Variants in DMXL1 observed in about 807,000 individuals in gnomAD.
DMXL1 encodes the protein Dmx like 1, also known as dmX-like protein 1.
A neutral mutation model predicts 319.2 loss-of-function variants in DMXL1; 99 were observed. The ratio of observed to expected loss-of-function variants is 0.31; its 90% CI spans 0.26 to 0.37. The LOEUF (loss-of-function observed/expected upper bound fraction) is 0.37. DMXL1 is among the 10% of genes least tolerant of loss of function. The pLI is 1.00. For missense variants in DMXL1, 3,745 were observed against 3,595.6 expected, an observed-to-expected ratio of 1.04 and a Z score of -1.06; for synonymous variants, 1,385 against 1,235.2, an observed-to-expected ratio of 1.12 and a Z score of -2.54.
At chr5:119,081,513 C>T in intron 1 of DMXL1, 1 of 934,616 alleles carries the variant, frequency 1.1e-6, no homozygotes, top group African/African-American at 1.8e-5. Flanking sequence ...CAAACATCTT[C>T]ACACTTAAGT....
chr5:119,101,180 C>T (rs1757195943), intron 2 of DMXL1, among the ~76,000 whole-genome samples: 1 of 152,152 alleles, frequency 6.6e-6, no homozygotes, highest in Non-Finnish European at 1.5e-5. Context: ...ACACTTCCTC[C>T]AGATCAATGC....
At chr5:119,233,560 G>GGTA in intron 39 of DMXL1, 93 bp downstream of exon 39, 1 of 997,758 alleles carries the variant, frequency 1.0e-6, no homozygotes, top group South Asian at 1.5e-5. Flanking sequence ...CAGCTCCGTG[G>GGTA]GTAGTAGTAA....
chr5:119,183,633 T>G (rs1303685935), intron 28 of DMXL1, among the ~76,000 whole-genome samples: 1 of 151,910 alleles, frequency 6.6e-6, no homozygotes, highest in Non-Finnish European at 1.5e-5. Flanking sequence ...CCACCACACC[T>G]GGCTAATTTT....
chr5:119,238,648 T>G (rs1451187835), intron 40 of DMXL1, among the ~76,000 whole-genome samples: 1 of 152,206 alleles, frequency 6.6e-6, no homozygotes, highest in African/African-American at 2.4e-5. Flanking sequence ...TTTGAACTTT[T>G]GGTTGAACAA....
chr5:119,173,558 G>A (rs957070387), intron 25 of DMXL1, among the ~76,000 whole-genome samples: 3 of 151,076 alleles, frequency 2.0e-5, no homozygotes, highest in African/African-American at 7.3e-5. Context: ...TCTGGTGGTT[G>A]GCGCATGTTG....
chr5:119,091,539 C>G (rs1754798854), intron 1 of DMXL1, among the ~76,000 whole-genome samples: 1 of 152,118 alleles, frequency 6.6e-6, no homozygotes, highest in Non-Finnish European at 1.5e-5. Flanking sequence ...ACACCTATGT[C>G]TTTGCATTTA....
intron 28 of DMXL1, among the ~76,000 whole-genome samples, chr5:119,179,686 C>T (rs1042322811): frequency 3.9e-5 from 6 of 152,156 alleles, no homozygotes; most frequent in Non-Finnish European, 8.8e-5. Flanking sequence ...GCAGTTTCCA[C>T]TAACCTGTGG....
In DMXL1 at chr5:119,150,753, C is replaced by A. The variant is rs537950330; in HGVS notation, c.4594+332C>A. Among the ~76,000 whole-genome samples, 9 of 151,712 alleles carry A rather than the reference C, an allele frequency of 5.9e-5. No individual in the cohort carries two copies. The South Asian group carries it at 1.9e-3, about 32-fold the overall frequency. ...TGGCAGTGAACTGATTGTGCCACTG[C>A]ACTACAGCCTGGACAATAGAGCAAG... is the stretch of plus-strand genomic sequence containing the variant. On this transcript the variant is annotated intron_variant, in intron 18 of 43. Coordinates refer to ENST00000539542, the MANE Select transcript of DMXL1 (RefSeq NM_001290321.3).
At chr5:119,178,410 G>A (rs1313984314) in intron 28 of DMXL1, among the ~76,000 whole-genome samples, 166 bp downstream of exon 28, 1 of 152,068 alleles carries the variant, frequency 6.6e-6, no homozygotes, top group African/African-American at 2.4e-5. Context: ...TAAAGTTTCT[G>A]GTGCAGTTTT....
At chr5:119,184,490 G>GT (rs1174334286) in intron 28 of DMXL1, among the ~76,000 whole-genome samples, 4 of 152,046 alleles carry the variant, frequency 2.6e-5, no homozygotes, top group African/African-American at 9.7e-5. Flanking sequence ...TTCCATTATA[G>GT]TTTTTTTATT....
At chr5:119,105,749 T>A (rs1449127500) in intron 4 of DMXL1, among the ~76,000 whole-genome samples, 2 of 151,924 alleles carry the variant, frequency 1.3e-5, no homozygotes, top group Admixed American at 1.3e-4. Flanking sequence ...TACAAAAAAT[T>A]AGCTGGGCAT....
At chr5:119,201,609 C>G (rs1487664180) in intron 32 of DMXL1, among the ~76,000 whole-genome samples, 1 of 152,014 alleles carries the variant, frequency 6.6e-6, no homozygotes, top group Non-Finnish European at 1.5e-5. Context: ...GGAGTTCCAC[C>G]TCCTCAGTTT....
chr5:119,106,090 A>G (rs191196495), intron 4 of DMXL1, among the ~76,000 whole-genome samples: 258 of 152,228 alleles, frequency 1.7e-3, no homozygotes, highest in Middle Eastern at 0.014. Context: ...GAAGCAGTTT[A>G]TCTGCAGCTA....
intron 19 of DMXL1, among the ~76,000 whole-genome samples, chr5:119,163,472 A>T (rs1009349842): frequency 2.6e-5 from 4 of 152,224 alleles, no homozygotes; most frequent in African/African-American, 9.6e-5. Flanking sequence ...GCTGGAGTGC[A>T]GTGGCACGAT....
At chr5:119,140,515 T>A (rs1767065491) in intron 13 of DMXL1, among the ~76,000 whole-genome samples, 2 of 152,148 alleles carry the variant, frequency 1.3e-5, no homozygotes, top group South Asian at 4.1e-4. Flanking sequence ...CTACAAGGGA[T>A]GGATAAATTC....
intron 33 of DMXL1, among the ~76,000 whole-genome samples, chr5:119,204,012 C>T (rs1459623958): frequency 2.0e-5 from 3 of 151,760 alleles, no homozygotes; most frequent in Non-Finnish European, 4.4e-5. Flanking sequence ...TTAGTAGAGA[C>T]GGGGTTTCAC....
chr5:119,108,379 C>G lies in DMXL1; in HGVS notation c.365-1772C>G, dbSNP rs1365472605. 2.0e-5 allele frequency among the ~76,000 whole-genome samples: 3 copies of G among 152,032 alleles called. No individual in the cohort carries two copies. The East Asian group carries it at 5.8e-4, about 29-fold the overall frequency. On this transcript the variant is annotated intron_variant, in intron 4 of 43. Coordinates refer to ENST00000539542, the MANE Select transcript of DMXL1 (RefSeq NM_001290321.3). Reference sequence around the variant, plus strand: ...GAGTTGGAATCTGTCCTTTAACCCTCTTGTTTTTTCTCTGTATTTATTTGG... The same window carrying G: ...GAGTTGGAATCTGTCCTTTAACCCTGTTGTTTTTTCTCTGTATTTATTTGG...
intron 1 of DMXL1, among the ~76,000 whole-genome samples, chr5:119,084,332 C>G (rs780968742): frequency 1.9e-4 from 29 of 152,046 alleles, no homozygotes; most frequent in Non-Finnish European, 5.9e-5. Context: ...TTTGGCCAGG[C>G]TGGTCTCGAA....
chr5:119,082,252 C>T (rs1752418422), intron 1 of DMXL1, among the ~76,000 whole-genome samples: 3 of 152,006 alleles, frequency 2.0e-5, no homozygotes, highest in Admixed American at 2.0e-4. Context: ...GCTGGGACTA[C>T]AGACATGTGC....
Sources: allele counts gnomAD v4.1 joint callset (sites outside exome capture counted in the v4.1 genomes callset), GRCh38; gene constraint gnomAD v4.1.1; transcripts MANE v1.5; gene names NCBI Gene and HGNC (gene_info 2026-07-23, HGNC 2026-07-21).